XIAP: variants seen among roughly 807,000 people sequenced by gnomAD.
XIAP encodes E3 ubiquitin-protein ligase XIAP.
A neutral mutation model predicts 33.1 loss-of-function variants in XIAP; 3 were observed. The ratio of observed to expected loss-of-function variants is 0.09; its 90% CI spans 0.04 to 0.23. The LOEUF is 0.23. Among genes scored for constraint, XIAP ranks in the 10% least tolerant of loss-of-function variants. The probability of loss-of-function intolerance (pLI) is 1.00; values close to 1 mark genes in which losing one functional copy is unlikely to be tolerated. For synonymous variants in XIAP, 98 were observed against 121.3 expected, an observed-to-expected ratio of 0.81 and a Z score of 1.26; for missense variants, 264 against 363.0, an observed-to-expected ratio of 0.73 and a Z score of 2.22.
intron 1 of XIAP, among the ~76,000 whole-genome samples, chrX:123,871,029 G>A (rs991846407): frequency 9.0e-6 from 1 of 111,195 alleles, no homozygotes; most frequent in African/African-American, 3.3e-5. Context: ...TGCAACCTCC[G>A]CCTCCCAGGT....
Position 123,907,111 on chromosome X carries a change from C to G in XIAP, c.1424C>G (p.Ala475Gly), listed in dbSNP as rs1485485025. The change falls in exon 7 of 7, where the codon GCT becomes GGT. Residue 475 changes from alanine to glycine, a missense_variant. By Grantham distance (60) the Ala-to-Gly change is moderately conservative. Transcript: ENST00000371199. ...CATCTAGTCACTTGTAAACAATGTG[C>G]TGAAGCAGTTGACAAGTGTCCCATG... The part of the protein sequence containing the change: ...CGHLVTCKQC[A>G]EAVDKCPMCY... 1 of 1,211,552 alleles carries G rather than the reference C, an allele frequency of 8.3e-7. No individual in the cohort carries two copies. Among genetic ancestry groups the G allele is most frequent in the South Asian group, 1.8e-5 (1 of 57,007 alleles).
chrX:123,881,481 G>T (rs2053303600), intron 1 of XIAP, among the ~76,000 whole-genome samples: 1 of 110,627 alleles, frequency 9.0e-6, no homozygotes, highest in Non-Finnish European at 1.9e-5. Context: ...TGGTAATTCT[G>T]GTTTTCCTCC....
intron 3 of XIAP, among the ~76,000 whole-genome samples, chrX:123,889,332 C>G (rs763735130): frequency 1.9e-5 from 2 of 106,907 alleles, no homozygotes; most frequent in East Asian, 6.0e-4. Flanking sequence ...CCTTGTGATC[C>G]GCCCGCCTCG....
intron 5 of XIAP, among the ~76,000 whole-genome samples, chrX:123,899,203 G>GTGTATATATATATGATTT (rs1297759867): frequency 2.3e-4 from 5 of 21,922 alleles, no homozygotes; most frequent in Admixed American, 6.5e-4. Flanking sequence ...ATATATGATT[G>GTGTATATATATATGATTT]TGTATATATA....
chrX:123,869,538 GA>G (rs67633767), intron 1 of XIAP, among the ~76,000 whole-genome samples: 38,103 of 101,150 alleles, frequency 0.38, 6,005 homozygotes, highest in African/African-American at 0.47. Flanking sequence ...ATAAAGAAAA[GA>G]AAAAAAAAAC....
chrX:123,883,207 C>T (rs1270756476), intron 1 of XIAP, among the ~76,000 whole-genome samples: 1 of 109,724 alleles, frequency 9.1e-6, no homozygotes, highest in East Asian at 2.9e-4. Flanking sequence ...TTCAGCCTTC[C>T]GAGTAGCTGG....
intron 1 of XIAP, 54 bp from the exon 2 acceptor site, chrX:123,885,577 T>C: frequency 9.7e-7 from 1 of 1,032,829 alleles, no homozygotes; most frequent in Non-Finnish European, 1.3e-6. Flanking sequence ...ATAACAAAAG[T>C]CTGTTGCTTG....
chrX:123,898,529 AT>A (rs1301773049), intron 5 of XIAP, among the ~76,000 whole-genome samples: 19 of 104,555 alleles, frequency 1.8e-4, no homozygotes, highest in African/African-American at 3.5e-4. Flanking sequence ...TGCCCGGGTA[AT>A]TTTTTTTTTT....
At position 123,886,097 on chromosome X, in the gene XIAP, G is replaced by T. The variant is rs759909620; in HGVS notation, c.435G>T (p.Gln145His). 4.1e-6 allele frequency: 5 copies of T among 1,210,046 alleles called. No individual in the cohort carries two copies. The highest frequency in any genetic ancestry group is 4.4e-5 in the Admixed American group (2 of 45,649). The stretch of plus-strand genomic sequence containing the variant: ...CAGACTATCTTTTGAGAACTGGGCA[G>T]GTTGTAGATATATCAGACACCATAT... Reference protein sequence around the residue: ...THADYLLRTGQVVDISDTIYP... With the variant: ...THADYLLRTGHVVDISDTIYP... The change falls in exon 2 of 7, where the codon CAG becomes CAT. Residue 145 changes from glutamine (Q) to histidine (H), a missense_variant. By Grantham distance (24) the Gln-to-His change is conservative. Transcript: ENST00000371199.
At chrX:123,866,128 A>G (rs2053132868) in intron 1 of XIAP, among the ~76,000 whole-genome samples, 1 of 110,164 alleles carries the variant, frequency 9.1e-6, no homozygotes, top group South Asian at 3.7e-4. Flanking sequence ...TTTAGTAGAG[A>G]CGGGGTTTCA....
intron 1 of XIAP, chrX:123,873,963 C>G (rs886783132): frequency 9.2e-6 from 1 of 108,571 alleles, no homozygotes. Flanking sequence ...TGGTGGGTTG[C>G]TCAGAGGCAG....
At chrX:123,866,884 T>C (rs1400051235) in intron 1 of XIAP, among the ~76,000 whole-genome samples, 1 of 107,264 alleles carries the variant, frequency 9.3e-6, no homozygotes, top group African/African-American at 3.4e-5. Flanking sequence ...AGACGGAGTC[T>C]TGCTCCTGAC....
At chrX:123,871,117 A>T (rs753677559) in intron 1 of XIAP, among the ~76,000 whole-genome samples, 2 of 109,937 alleles carry the variant, frequency 1.8e-5, no homozygotes, top group East Asian at 2.9e-4. Flanking sequence ...TAATTTTTGT[A>T]TTTTTAGTAG....
rs1254001894 is a variant in XIAP, at chrX:123,891,254, G to C, written c.994G>C (p.Glu332Gln). ...KWYPGCKYLL[E>Q]QKGQEYINNI... Reference sequence around the variant, plus strand: ...ATTGTTTAGGTGCAAATATCTGTTAGAACAGAAGGGACAAGAATATATAAA... The same window carrying C: ...ATTGTTTAGGTGCAAATATCTGTTACAACAGAAGGGACAAGAATATATAAA... The change falls in exon 4 of 7, where the codon GAA (glutamate) becomes CAA (glutamine). Residue 332 changes from glutamate (E) to glutamine (Q), a missense_variant. Physicochemically the swap from Glu to Gln is conservative, Grantham distance 29. Coordinates refer to ENST00000371199, the MANE Select transcript of XIAP (RefSeq NM_001167.4). The C allele has an allele frequency of 9.0e-7, 1 of 1,110,457 alleles. No individual in the cohort carries two copies. Among genetic ancestry groups the C allele is most frequent in the Non-Finnish European group, 1.2e-6 (1 of 811,809 alleles). 91.5% of individuals were successfully genotyped at this position (1,110,457 alleles called of 1,213,427 possible). A position where few individuals can be genotyped will look rare whatever the true frequency, so the allele number is the denominator to read the frequency against.
At chrX:123,887,787 C>A (rs1328341550) in intron 2 of XIAP, among the ~76,000 whole-genome samples, 1 of 109,982 alleles carries the variant, frequency 9.1e-6, no homozygotes, top group Non-Finnish European at 1.9e-5. Context: ...AGTTCAAGAC[C>A]AGCCTGGCCA....
intron 1 of XIAP, among the ~76,000 whole-genome samples, chrX:123,861,851 C>T (rs187830133): frequency 1.8e-5 from 2 of 111,428 alleles, no homozygotes; most frequent in African/African-American, 3.3e-5. Context: ...ACTCATGTTT[C>T]GTTTTCTTGT....
Position 123,907,239 on chromosome X carries a change from G to C in XIAP, c.*58G>C, listed in dbSNP as rs2053561939. 2.9e-6 allele frequency: 3 copies of C among 1,032,747 alleles called. No homozygotes were observed. The East Asian group carries it at 9.3e-5, about 32-fold the overall frequency. 85.1% of individuals were successfully genotyped at this position (1,032,747 alleles called of 1,213,427 possible). A position where few individuals can be genotyped will look rare whatever the true frequency, so the allele number is the denominator to read the frequency against. The stretch of plus-strand genomic sequence containing the variant: ...TTATTACCCTGATTGAATGTGTGAT[G>C]TGAACTGACTTTAAGTAATCAGGAT... On this transcript the variant is annotated 3_prime_UTR_variant, in exon 7 of 7. Transcript: ENST00000371199.
intron 4 of XIAP, among the ~76,000 whole-genome samples, chrX:123,891,967 A>G: frequency 8.9e-6 from 1 of 111,853 alleles, no homozygotes; most frequent in Middle Eastern, 4.6e-3. Flanking sequence ...AAATATTAAA[A>G]GTCCCTTAGC....
intron 4 of XIAP, 139 bp downstream of exon 4, chrX:123,891,455 A>G: frequency 3.2e-6 from 1 of 314,342 alleles, no homozygotes; most frequent in Non-Finnish European, 5.6e-6. Flanking sequence ...ATAAATCAAT[A>G]TATGTGTACA....
Sources: allele counts gnomAD v4.1 joint callset (sites outside exome capture counted in the v4.1 genomes callset), GRCh38; gene constraint gnomAD v4.1.1; transcripts MANE v1.5; gene names NCBI Gene and HGNC (gene_info 2026-07-23, HGNC 2026-07-21).